LRRTM4: variants seen among roughly 807,000 people sequenced by gnomAD.
LRRTM4 encodes the protein leucine rich repeat transmembrane neuronal 4, also known as leucine-rich repeat transmembrane neuronal protein 4.
In LRRTM4, 25 loss-of-function variants were observed where a neutral mutation model predicts 47.6. The observed-to-expected ratio is 0.53, with a 90% CI of 0.38 to 0.73. The LOEUF is 0.73. Ranked by LOEUF, LRRTM4 falls within the 30% of genes least tolerant of loss-of-function variation. The pLI is 0.00. For synonymous variants in LRRTM4, 311 were observed against 269.5 expected (o/e 1.15, Z -1.51); for missense variants, 638 against 713.4 (o/e 0.89, Z 1.20).
intron 3 of LRRTM4, among the ~76,000 whole-genome samples, chr2:77,320,713 T>TA (rs2104224695): frequency 6.6e-6 from 1 of 152,244 alleles, no homozygotes; most frequent in East Asian, 1.9e-4. Flanking sequence ...ATTATACCTA[T>TA]ATGAGTTATT....
chr2:76,785,201 A>G (rs1347288735), intron 3 of LRRTM4, among the ~76,000 whole-genome samples: 2 of 152,160 alleles, frequency 1.3e-5, no homozygotes, highest in Non-Finnish European at 2.9e-5. Flanking sequence ...TAGTCTGCAT[A>G]AAATTTAGGA....
At chr2:77,079,849 G>T (rs532399152) in intron 3 of LRRTM4, among the ~76,000 whole-genome samples, 1 of 151,444 alleles carries the variant, frequency 6.6e-6, no homozygotes, top group Non-Finnish European at 1.5e-5. Flanking sequence ...TTAGTTTTCT[G>T]TATGTTCCAG....
intron 3 of LRRTM4, among the ~76,000 whole-genome samples, chr2:77,434,901 G>C (rs900244450): frequency 6.6e-6 from 1 of 152,012 alleles, no homozygotes; most frequent in Non-Finnish European, 1.5e-5. Context: ...GAGTGAATAT[G>C]TAAACTGTAG....
chr2:77,262,475 C>A (rs1426137250), intron 3 of LRRTM4, among the ~76,000 whole-genome samples: 1 of 150,018 alleles, frequency 6.7e-6, no homozygotes, highest in Non-Finnish European at 1.5e-5. Flanking sequence ...AAAGTCTGTA[C>A]TTTATTTACA....
chr2:77,144,506 A>G (rs1253391916), intron 3 of LRRTM4, among the ~76,000 whole-genome samples: 1 of 152,294 alleles, frequency 6.6e-6, no homozygotes, highest in Non-Finnish European at 1.5e-5. Flanking sequence ...GCAGCTATGA[A>G]TTACACGGAA....
rs1674158017 is a variant in LRRTM4 at position 77,207,346 on chromosome 2, TGTG to T, written c.1551+310969_1551+310971del. ...TTTATGTTTTTCCTAATTTCATATA[TGTG>T]TATATATATATATATATATATATAC... On this transcript the variant is annotated intron_variant, in intron 3 of 3. Transcript: ENST00000409884. Among the ~76,000 whole-genome samples, 16 of 99,026 alleles carry T rather than the reference TGTG, an allele frequency of 1.6e-4. No individual in the cohort carries two copies. In the South Asian group the frequency reaches 4.0e-3, roughly 25 times the overall value. The allele number at this position is 99,026 out of a possible 152,430, so 65.0% of individuals were successfully genotyped here.
chr2:77,437,276 G>A (rs1295731675), intron 3 of LRRTM4, among the ~76,000 whole-genome samples: 2 of 151,974 alleles, frequency 1.3e-5, no homozygotes, highest in South Asian at 2.1e-4. Context: ...ACCATTCTGA[G>A]CAGGCAAGCA....
intron 3 of LRRTM4, among the ~76,000 whole-genome samples, chr2:76,779,510 A>G (rs1485984776): frequency 1.4e-5 from 2 of 141,748 alleles, no homozygotes; most frequent in Non-Finnish European, 3.1e-5. Flanking sequence ...CTTTACCATC[A>G]TGTAATGGCC....
At chr2:76,750,770 T>C (rs1672824174) in intron 3 of LRRTM4, among the ~76,000 whole-genome samples, 1 of 152,194 alleles carries the variant, frequency 6.6e-6, no homozygotes, top group African/African-American at 2.4e-5. Context: ...TTTTTATTAA[T>C]GTGATTAATA....
chr2:77,444,932 T>TAC (rs745467847), intron 3 of LRRTM4, among the ~76,000 whole-genome samples: 36,465 of 121,606 alleles, frequency 0.3, 5,570 homozygotes, highest in Non-Finnish European at 0.34. Flanking sequence ...TCCTTTATTT[T>TAC]ACACACACAC....
chr2:76,910,285 G>T (rs1157294563), intron 3 of LRRTM4, among the ~76,000 whole-genome samples: 1 of 144,090 alleles, frequency 6.9e-6, no homozygotes, highest in Non-Finnish European at 1.5e-5. Context: ...TCATAGGTGG[G>T]AATTGAACAA....
At chr2:76,969,597 T>G (rs1676150014) in intron 3 of LRRTM4, among the ~76,000 whole-genome samples, 1 of 151,852 alleles carries the variant, frequency 6.6e-6, no homozygotes, top group African/African-American at 2.4e-5. Context: ...TGAACCAAGC[T>G]TTGCACTTTC....
At chr2:77,151,536 A>C (rs1427967628) in intron 3 of LRRTM4, among the ~76,000 whole-genome samples, 1 of 152,224 alleles carries the variant, frequency 6.6e-6, no homozygotes, top group Non-Finnish European at 1.5e-5. Flanking sequence ...CCAAGTGTTC[A>C]TCAACAGTTG....
chr2:76,948,312 G>A (rs1675389159), intron 3 of LRRTM4, among the ~76,000 whole-genome samples: 1 of 151,884 alleles, frequency 6.6e-6, no homozygotes, highest in Admixed American at 6.6e-5. Context: ...TAATTAGAAT[G>A]GAGAGGTGTG....
chr2:76,854,659 C>T (rs1672093698), intron 3 of LRRTM4, among the ~76,000 whole-genome samples: 1 of 152,152 alleles, frequency 6.6e-6, no homozygotes, highest in Non-Finnish European at 1.5e-5. Context: ...TCCCTTATGA[C>T]ATAAATGAGC....
intron 3 of LRRTM4, among the ~76,000 whole-genome samples, chr2:76,798,229 G>A (rs962354751): frequency 7.9e-5 from 12 of 151,892 alleles, no homozygotes; most frequent in East Asian, 1.9e-4. Context: ...ATGTAAAAGA[G>A]CAGAGATTAT....
At chr2:76,786,417 TTTATCTTTTCAGTTC>T (rs902861947) in intron 3 of LRRTM4, among the ~76,000 whole-genome samples, 1 of 152,116 alleles carries the variant, frequency 6.6e-6, no homozygotes, top group Non-Finnish European at 1.5e-5. Flanking sequence ...TAACAGTATT[TTTATCTTTTCAGTTC>T]TTATATAGCA....
chr2:77,303,095 A>G (rs934383920), intron 3 of LRRTM4, among the ~76,000 whole-genome samples: 1 of 152,050 alleles, frequency 6.6e-6, no homozygotes, highest in African/African-American at 2.4e-5. Flanking sequence ...TATGCTATGT[A>G]TCTGCCTCAC....
chr2:77,212,093 A>G lies in LRRTM4; in HGVS notation c.1551+306225T>C, dbSNP rs572870371. On this transcript the variant is annotated intron_variant, in intron 3 of 3. Coordinates refer to ENST00000409884, the MANE Select transcript of LRRTM4 (RefSeq NM_001134745.3). ...CATCACAATGTACGTTAAAATGTGCATGGGATGTGGGAGACTACTTAAATG... is the reference window on the plus strand; with the variant it reads ...CATCACAATGTACGTTAAAATGTGCGTGGGATGTGGGAGACTACTTAAATG... 8.5e-5 allele frequency among the ~76,000 whole-genome samples: 13 copies of G among 152,146 alleles called. No homozygotes were observed. In the South Asian group the frequency reaches 2.7e-3, roughly 32 times the overall value.
Sources: allele counts gnomAD v4.1 joint callset (sites outside exome capture counted in the v4.1 genomes callset), GRCh38; gene constraint gnomAD v4.1.1; transcripts MANE v1.5; gene names NCBI Gene and HGNC (gene_info 2026-07-23, HGNC 2026-07-21).